The following NRXN1 variants were observed in gnomAD, a reference collection of about 807,000 sequenced individuals.
The protein encoded by NRXN1 is neurexin 1.
NRXN1 carries 39 observed loss-of-function variants against 150.9 expected under a neutral mutation model. The ratio of observed to expected loss-of-function variants is 0.26; its 90% CI spans 0.20 to 0.34. NRXN1 has a LOEUF of 0.34. Ranked by LOEUF, NRXN1 falls within the 10% of genes least tolerant of loss-of-function variation. The probability of loss-of-function intolerance (pLI) is 1.00; values close to 1 mark genes in which losing one functional copy is unlikely to be tolerated. For synonymous variants in NRXN1, 924 were observed against 757.0 expected, an observed-to-expected ratio of 1.22 and a Z score of -3.62; for missense variants, 1,815 against 1,949.9, an observed-to-expected ratio of 0.93 and a Z score of 1.30.
intron 21 of NRXN1, among the ~76,000 whole-genome samples, chr2:50,041,014 C>T (rs1408043002): frequency 6.6e-6 from 1 of 152,076 alleles, no homozygotes; most frequent in African/African-American, 2.4e-5. Flanking sequence ...ATCCCTCCTC[C>T]CTCCTGTATT....
At chr2:50,802,011 C>G (rs928038417) in intron 5 of NRXN1, among the ~76,000 whole-genome samples, 2 of 152,086 alleles carry the variant, frequency 1.3e-5, no homozygotes, top group South Asian at 2.1e-4. Flanking sequence ...AAATTGTCCT[C>G]TTTGAGATTT....
intron 17 of NRXN1, among the ~76,000 whole-genome samples, chr2:50,247,087 C>T (rs1045665916): frequency 6.6e-6 from 1 of 152,036 alleles, no homozygotes; most frequent in African/African-American, 2.4e-5. Flanking sequence ...TGCCTACATC[C>T]ATCAGCATGA....
intron 8 of NRXN1, among the ~76,000 whole-genome samples, chr2:50,559,451 T>A (rs184082109): frequency 9.8e-5 from 15 of 152,328 alleles, no homozygotes; most frequent in Admixed American, 5.2e-4. Flanking sequence ...GTAGGATCAA[T>A]CAAATGCAAT....
chr2:51,007,001 C>T (rs1427337656), intron 2 of NRXN1, among the ~76,000 whole-genome samples: 1 of 151,902 alleles, frequency 6.6e-6, no homozygotes, highest in Non-Finnish European at 1.5e-5. Context: ...AGAGCAGTGA[C>T]CTGCCTATCT....
At chr2:50,350,847 A>G (rs968315489) in intron 17 of NRXN1, among the ~76,000 whole-genome samples, 2 of 152,088 alleles carry the variant, frequency 1.3e-5, no homozygotes, top group South Asian at 2.1e-4. Flanking sequence ...CTAAAGAGAA[A>G]ATATTTATGG....
intron 17 of NRXN1, among the ~76,000 whole-genome samples, chr2:50,369,860 T>C (rs540489687): frequency 2.6e-5 from 4 of 151,962 alleles, no homozygotes; most frequent in Non-Finnish European, 5.9e-5. Context: ...TGGAGGACAG[T>C]GGTAGAGAAC....
At chr2:50,992,262 G>C (rs1698645488) in intron 2 of NRXN1, among the ~76,000 whole-genome samples, 1 of 152,116 alleles carries the variant, frequency 6.6e-6, no homozygotes, top group South Asian at 2.1e-4. Context: ...AAGTAGATAT[G>C]AGCATTACCC....
chr2:50,592,463 A>G (rs780642364), intron 8 of NRXN1, among the ~76,000 whole-genome samples: 3 of 152,222 alleles, frequency 2.0e-5, no homozygotes, highest in Non-Finnish European at 4.4e-5. Flanking sequence ...GAGCTGAGAG[A>G]CAGTCCCTCT....
At chr2:50,683,075 T>G (rs1391260961) in intron 5 of NRXN1, among the ~76,000 whole-genome samples, 2 of 152,148 alleles carry the variant, frequency 1.3e-5, no homozygotes, top group Non-Finnish European at 2.9e-5. Context: ...TGAGCTGCTG[T>G]GGACACAGAC....
intron 8 of NRXN1, among the ~76,000 whole-genome samples, chr2:50,577,289 G>A (rs940541892): frequency 1.3e-5 from 2 of 151,598 alleles, no homozygotes; most frequent in African/African-American, 4.8e-5. Flanking sequence ...AAAAGAAAAT[G>A]TTGTTAATCT....
At chr2:50,930,234 T>A (rs1437832743) in intron 2 of NRXN1, among the ~76,000 whole-genome samples, 2 of 152,116 alleles carry the variant, frequency 1.3e-5, no homozygotes, top group East Asian at 3.9e-4. Flanking sequence ...AAAAAATGTA[T>A]CTCTAAACCG....
At position 49,953,435 on chromosome 2, in the gene NRXN1, A is replaced by T. The variant is rs1674335134; in HGVS notation, c.4129-9644T>A. Among the ~76,000 whole-genome samples the T allele has an allele frequency of 2.6e-5, 4 of 152,104 alleles. No individual in the cohort carries two copies. In the South Asian group the frequency reaches 8.3e-4, roughly 31 times the overall value. On this transcript the variant is annotated intron_variant, in intron 21 of 22. Coordinates refer to ENST00000401669, the MANE Select transcript of NRXN1 (RefSeq NM_001330078.2). ...CTAGTTCTAGTTAAACTGGAACTCC[A>T]AGCTTCTACACTTGACTACTTCATT... is the stretch of plus-strand genomic sequence containing the variant.
chr2:50,944,922 C>A (rs1690088485), intron 2 of NRXN1, among the ~76,000 whole-genome samples: 1 of 152,160 alleles, frequency 6.6e-6, no homozygotes, highest in South Asian at 2.1e-4. Context: ...ACTGATGGTA[C>A]AAATGCAGGT....
chr2:50,626,105 A>G (rs146292876), intron 5 of NRXN1, among the ~76,000 whole-genome samples: 1 of 152,162 alleles, frequency 6.6e-6, no homozygotes, highest in African/African-American at 2.4e-5. Flanking sequence ...AAGCAAATAT[A>G]TTGCACAAAT....
rs1387961788 is a variant in NRXN1, at chr2:50,951,963, A to ATATATT, written c.773-26009_773-26008insAATATA. ...AATAAATATATATATATATATATATATTTTTTTTTTTTTTTTTTTTTGAGA... is the reference window on the plus strand; with the variant it reads ...AATAAATATATATATATATATATATATATATTTTTTTTTTTTTTTTTTTTTTTGAGA... On this transcript the variant is annotated intron_variant, in intron 2 of 22. Transcript: ENST00000401669. Among the ~76,000 whole-genome samples the ATATATT allele has an allele frequency of 2.8e-3, 208 of 74,802 alleles. 4 individuals are homozygous for ATATATT. The highest frequency in any genetic ancestry group is 4.0e-3 in the East Asian group (8 of 1,996). 49.1% of individuals were successfully genotyped at this position (74,802 alleles called of 152,430 possible).
chr2:50,985,878 T>C (rs1424177642), intron 2 of NRXN1, among the ~76,000 whole-genome samples: 1 of 151,722 alleles, frequency 6.6e-6, no homozygotes, highest in Non-Finnish European at 1.5e-5. Flanking sequence ...ATTTGTCCCA[T>C]ATATGACTTA....
intron 17 of NRXN1, among the ~76,000 whole-genome samples, chr2:50,376,654 T>C (rs945203143): frequency 9.9e-5 from 15 of 152,160 alleles, no homozygotes; most frequent in African/African-American, 3.6e-4. Context: ...AAGGGAAACA[T>C]TAATAAAAAC....
chr2:50,576,018 C>A (rs1488994910), intron 8 of NRXN1, among the ~76,000 whole-genome samples: 1 of 151,878 alleles, frequency 6.6e-6, no homozygotes, highest in Non-Finnish European at 1.5e-5. Flanking sequence ...TTTATAAAAA[C>A]ATGTGAAAAA....
chr2:50,197,173 T>C (rs2061831276), intron 18 of NRXN1, among the ~76,000 whole-genome samples: 1 of 152,164 alleles, frequency 6.6e-6, no homozygotes, highest in Non-Finnish European at 1.5e-5. Context: ...AAGGAAACTA[T>C]ACTTGAGTTC....
Sources: allele counts gnomAD v4.1 joint callset (sites outside exome capture counted in the v4.1 genomes callset), GRCh38; gene constraint gnomAD v4.1.1; transcripts MANE v1.5; gene names NCBI Gene and HGNC (gene_info 2026-07-23, HGNC 2026-07-21).